Variants in NKAIN2 observed in about 807,000 individuals in gnomAD.
NKAIN2 encodes sodium/potassium-transporting ATPase subunit beta-1-interacting protein 2.
Under a neutral mutation model 32.6 loss-of-function variants are expected in NKAIN2, and 14 were observed. That is an observed-to-expected ratio of 0.43 (90% confidence interval 0.28 to 0.67). The LOEUF is 0.67. Among genes scored for constraint, NKAIN2 ranks in the 30% least tolerant of loss-of-function variants. The pLI is 0.17. For missense variants in NKAIN2, 198 were observed against 258.3 expected (o/e 0.77, Z 1.60); for synonymous variants, 80 against 87.2 (o/e 0.92, Z 0.46).
intron 1 of NKAIN2, among the ~76,000 whole-genome samples, chr6:124,217,400 A>C (rs1791532363): frequency 6.6e-6 from 1 of 152,090 alleles, no homozygotes; most frequent in South Asian, 2.1e-4. Context: ...GTCAACTTTA[A>C]ATTTTAAGGT....
intron 1 of NKAIN2, among the ~76,000 whole-genome samples, chr6:123,947,839 A>C (rs1055784040): frequency 1.3e-5 from 2 of 152,078 alleles, no homozygotes; most frequent in Non-Finnish European, 2.9e-5. Context: ...CTGCTATCAA[A>C]CATTAAAACC....
chr6:124,160,093 C>T (rs1315045056), intron 1 of NKAIN2, among the ~76,000 whole-genome samples: 1 of 152,072 alleles, frequency 6.6e-6, no homozygotes, highest in Non-Finnish European at 1.5e-5. Flanking sequence ...TACAGATCCT[C>T]CCAGAGTACA....
At chr6:123,811,333 A>G (rs965725939) in intron 1 of NKAIN2, among the ~76,000 whole-genome samples, 3 of 148,714 alleles carry the variant, frequency 2.0e-5, no homozygotes, top group East Asian at 2.0e-4. Context: ...CATGTCTGGT[A>G]ATGCTAGAAC....
intron 1 of NKAIN2, among the ~76,000 whole-genome samples, chr6:124,109,837 T>A (rs971625097): frequency 5.3e-5 from 8 of 152,208 alleles, no homozygotes; most frequent in Admixed American, 3.3e-4. Flanking sequence ...CAAATTCTTT[T>A]TGTGCATATG....
At chr6:124,730,496 T>G (rs1254077861) in intron 4 of NKAIN2, among the ~76,000 whole-genome samples, 1 of 121,198 alleles carries the variant, frequency 8.3e-6, no homozygotes, top group African/African-American at 3.1e-5. Flanking sequence ...CTGGGAAAAC[T>G]GGCTAGCCAT....
chr6:124,493,411 G>T (rs77014485), intron 3 of NKAIN2, among the ~76,000 whole-genome samples: 2 of 151,828 alleles, frequency 1.3e-5, no homozygotes, highest in African/African-American at 4.8e-5. Context: ...TGAATTCAGG[G>T]TAATATAAAT....
At chr6:124,282,188 C>T (rs900521009) in intron 1 of NKAIN2, 3 of 288,476 alleles carry the variant, frequency 1.0e-5, no homozygotes, top group Non-Finnish European at 2.0e-5. Context: ...TTGTTTTTCT[C>T]CTCTCACTGC....
chr6:124,211,034 CT>C (rs1160076331), intron 1 of NKAIN2, among the ~76,000 whole-genome samples: 2 of 150,272 alleles, frequency 1.3e-5, no homozygotes, highest in Non-Finnish European at 3.0e-5. Flanking sequence ...AGAAGAAAGG[CT>C]TTCAATTTTT....
Position 124,263,728 on chromosome 6 carries a change from C to T in NKAIN2, c.55-19277C>T, listed in dbSNP as rs925296389. ...TGTTTGTTTGTTTGTTTAATTTAAA[C>T]AGCACGTGACAACACCATCTGCCAG... On this transcript the variant is annotated intron_variant, in intron 1 of 6. Transcript: ENST00000368417. Among the ~76,000 whole-genome samples, 6 of 116,898 alleles carry T rather than the reference C, an allele frequency of 5.1e-5. No homozygotes were observed. In the Admixed American group the frequency reaches 5.4e-4, roughly 11 times the overall value. 76.7% of individuals were successfully genotyped at this position (116,898 alleles called of 152,430 possible). A position where few individuals can be genotyped will look rare whatever the true frequency, so the allele number is the denominator to read the frequency against.
intron 3 of NKAIN2, among the ~76,000 whole-genome samples, chr6:124,379,124 A>G (rs1371773407): frequency 4.7e-5 from 3 of 63,210 alleles, no homozygotes; most frequent in Admixed American, 1.9e-4. Context: ...AGGAGAGGGG[A>G]GGGGAGGAGA....
At chr6:124,526,558 GATAAT>G (rs951672956) in intron 3 of NKAIN2, among the ~76,000 whole-genome samples, 1 of 152,096 alleles carries the variant, frequency 6.6e-6, no homozygotes, top group African/African-American at 2.4e-5. Flanking sequence ...CTGAAAAAAA[GATAAT>G]AGAACTTAAT....
At chr6:124,621,733 C>A (rs1783113391) in intron 3 of NKAIN2, among the ~76,000 whole-genome samples, 1 of 152,090 alleles carries the variant, frequency 6.6e-6, no homozygotes. Flanking sequence ...GTTTCTCTCC[C>A]AATAGAGAAT....
intron 3 of NKAIN2, among the ~76,000 whole-genome samples, chr6:124,389,593 C>T (rs995221031): frequency 6.6e-6 from 1 of 151,970 alleles, no homozygotes; most frequent in Non-Finnish European, 1.5e-5. Flanking sequence ...GACTACCTTA[C>T]AAGTCAGTGT....
chr6:123,916,897 C>G lies in NKAIN2; in HGVS notation c.54+112643C>G, dbSNP rs140522879. ...CCTACCTACCTACCTCTCTCTGTAT[C>G]AAGAGAACTTTACATTTCTAAAACT... On this transcript the variant is annotated intron_variant, in intron 1 of 6. Transcript: ENST00000368417. Among the ~76,000 whole-genome samples, 363 of 152,156 alleles carry G rather than the reference C, an allele frequency of 2.4e-3. 2 individuals are homozygous for G. Among genetic ancestry groups the G allele is most frequent in the African/African-American group, 8.6e-3 (356 of 41,504 alleles).
At chr6:123,962,937 C>T (rs1227481296) in intron 1 of NKAIN2, among the ~76,000 whole-genome samples, 1 of 152,186 alleles carries the variant, frequency 6.6e-6, no homozygotes, top group Admixed American at 6.6e-5. Context: ...CACCCACCAA[C>T]TCCCCTTGGA....
intron 3 of NKAIN2, among the ~76,000 whole-genome samples, chr6:124,359,984 G>A (rs12204681): frequency 1.3e-5 from 2 of 151,918 alleles, no homozygotes; most frequent in Non-Finnish European, 2.9e-5. Context: ...TAGCATGAAG[G>A]GTTGTTGAAT....
At chr6:124,725,374 G>A (rs1027828421) in intron 4 of NKAIN2, among the ~76,000 whole-genome samples, 1 of 152,086 alleles carries the variant, frequency 6.6e-6, no homozygotes, top group Non-Finnish European at 1.5e-5. Context: ...AAAGCACTGA[G>A]ATTATAGATG....
At chr6:124,652,369 T>G (rs1165489877) in intron 3 of NKAIN2, among the ~76,000 whole-genome samples, 11 of 152,248 alleles carry the variant, frequency 7.2e-5, no homozygotes, top group African/African-American at 2.4e-4. Flanking sequence ...CTCCTTCTTC[T>G]GAGTTTTCAC....
chr6:124,235,970 A>G (rs564625797), intron 1 of NKAIN2, among the ~76,000 whole-genome samples: 1 of 152,138 alleles, frequency 6.6e-6, no homozygotes, highest in African/African-American at 2.4e-5. Flanking sequence ...ATTATAATGC[A>G]GTAAAGTTTA....
Sources: allele counts gnomAD v4.1 joint callset (sites outside exome capture counted in the v4.1 genomes callset), GRCh38; gene constraint gnomAD v4.1.1; transcripts MANE v1.5; gene names NCBI Gene and HGNC (gene_info 2026-07-23, HGNC 2026-07-21).